Variants in IL9 observed in about 807,000 individuals in gnomAD.
The protein encoded by IL9 is interleukin-9.
A neutral mutation model predicts 12.9 loss-of-function variants in IL9; 16 were observed. The observed-to-expected ratio is 1.24, with a 90% CI of 0.84 to 1.88. The LOEUF (loss-of-function observed/expected upper bound fraction) is 1.88. Among genes scored for constraint, IL9 ranks in the 40% most tolerant of loss-of-function variants. The probability of loss-of-function intolerance (pLI) is 0.00; values close to 1 mark genes in which losing one functional copy is unlikely to be tolerated. For missense variants in IL9, 170 were observed against 173.1 expected (o/e 0.98, Z 0.10); for synonymous variants, 69 against 63.8 (o/e 1.08, Z -0.39).
intron 3 of IL9, 85 bp downstream of exon 3, chr5:135,895,355 A>T: frequency 9.2e-7 from 1 of 1,089,678 alleles, no homozygotes; most frequent in Non-Finnish European, 1.3e-6. Context: ...GTATAACATT[A>T]AATATTAAAT....
At position 135,892,506 on chromosome 5, in the gene IL9, A is replaced by G. The variant is rs1271895407; in HGVS notation, c.320T>C (p.Phe107Ser). The change falls in exon 5 of 5, where the codon TTT becomes TCT. Residue 107 changes from phenylalanine to serine, a missense_variant. Transcript: ENST00000274520. ...EVLKNNKCPY[F>S]SCEQPCNQTT... is the part of the protein sequence containing the mutation. ...TTGGTTGCATGGCTGTTCACAGGAA[A>G]AATACTGTGGGGATGAAAGTTGATA... The G allele has an allele frequency of 6.2e-7, 1 of 1,611,984 alleles. No homozygotes were observed. The highest frequency in any genetic ancestry group is 1.3e-5 in the African/African-American group (1 of 74,718).
At position 135,892,347 on chromosome 5, in the gene IL9, A is replaced by C; in HGVS notation, c.*44T>G. ...TTTTAAATTGTAGCAACTTAAAGAG[A>C]AAGCTTTTTAAATTTAATAAATAGG... is the stretch of plus-strand genomic sequence containing the variant. On this transcript the variant is annotated 3_prime_UTR_variant, in exon 5 of 5. Coordinates refer to ENST00000274520, the MANE Select transcript of IL9 (RefSeq NM_000590.2). 2 of 1,431,306 alleles carry C rather than the reference A, an allele frequency of 1.4e-6. No homozygotes were observed. The highest frequency in any genetic ancestry group is 1.9e-6 in the Non-Finnish European group (2 of 1,051,400). The allele number at this position is 1,431,306 out of a possible 1,614,324, so 88.7% of individuals were successfully genotyped here.
intron 3 of IL9, among the ~76,000 whole-genome samples, chr5:135,894,370 A>G (rs530072425): frequency 1.3e-5 from 2 of 152,288 alleles, no homozygotes; most frequent in Non-Finnish European, 2.9e-5. Context: ...GACTTCCTGT[A>G]TGTTACATCC....
intron 4 of IL9, 143 bp from the exon 5 acceptor site, chr5:135,892,653 T>C (rs1762885893): frequency 2.3e-6 from 2 of 853,194 alleles, no homozygotes; most frequent in Non-Finnish European, 1.8e-6. Flanking sequence ...ACAGAGCAAA[T>C]AGGTGGGCAG....
In IL9 at chr5:135,892,304, T is replaced by C; in HGVS notation, c.*87A>G. 1 of 987,218 alleles carries C rather than the reference T, an allele frequency of 1.0e-6. No individual in the cohort carries two copies. The highest frequency in any genetic ancestry group is 1.5e-6 in the Non-Finnish European group (1 of 676,532). 61.2% of individuals were successfully genotyped at this position (987,218 alleles called of 1,614,324 possible). A position where few individuals can be genotyped will look rare whatever the true frequency, so the allele number is the denominator to read the frequency against. ...CAAATAATCACAACTGATACTGATT[T>C]AGAGTAGCTTACTTGATTTTTAAAT... On this transcript the variant is annotated 3_prime_UTR_variant, in exon 5 of 5. Coordinates refer to ENST00000274520, the MANE Select transcript of IL9 (RefSeq NM_000590.2).
At position 135,892,488 on chromosome 5, in the gene IL9, C is replaced by T. The variant is rs759912180; in HGVS notation, c.338G>A (p.Cys113Tyr). ...KCPYFSCEQP[C>Y]NQTTAGNALT... ...CGCGTTGCCTGCCGTGGTTTGGTTG[C>T]ATGGCTGTTCACAGGAAAAATACTG... Residue 113 changes from cysteine (C) to tyrosine (Y), a missense_variant, in exon 5 of 5, where the codon TGC becomes TAC. Physicochemically the swap from Cys to Tyr is radical, Grantham distance 194. Coordinates refer to ENST00000274520, the MANE Select transcript of IL9 (RefSeq NM_000590.2). 3 of 1,612,784 alleles carry T rather than the reference C, an allele frequency of 1.9e-6. No individual in the cohort carries two copies. The highest frequency in any genetic ancestry group is 1.3e-5 in the African/African-American group (1 of 74,884).
At chr5:135,895,507 G>A (rs1762928353) in intron 2 of IL9, 35 bp from the exon 3 acceptor site, 1 of 1,613,554 alleles carries the variant, frequency 6.2e-7, no homozygotes, top group African/African-American at 1.3e-5. Flanking sequence ...GATTCCAGAT[G>A]TGAAAATTAA....
intron 4 of IL9, among the ~76,000 whole-genome samples, chr5:135,893,617 C>T (rs1762904264): frequency 6.6e-6 from 1 of 151,968 alleles, no homozygotes; most frequent in South Asian, 2.1e-4. Context: ...GTCTCCAAAA[C>T]AAAACAAAAC....
intron 4 of IL9, among the ~76,000 whole-genome samples, chr5:135,893,414 G>T (rs1414102648): frequency 2.6e-5 from 4 of 151,856 alleles, no homozygotes; most frequent in Non-Finnish European, 5.9e-5. Context: ...GAGTTGGAGA[G>T]CAACCTGGCC....
Position 135,895,709 on chromosome 5 carries a change from C to A in IL9, c.108G>T (p.Lys36Asn). ...GILDINFLIN[K>N]MQEDPASKCH... is the part of the protein sequence containing the mutation. ...GGCTCCCCCTGCAGCCTACCTGCATCTTGTTGATGAGGAAGTTGATGTCCA... is the reference window on the plus strand; with the variant it reads ...GGCTCCCCCTGCAGCCTACCTGCATATTGTTGATGAGGAAGTTGATGTCCA... Residue 36 changes from lysine (K) to asparagine (N), a missense_variant, in exon 1 of 5, where the codon AAG (lysine) becomes AAT (asparagine). Lys to Asn is a moderately conservative substitution (Grantham distance 94). Transcript: ENST00000274520. The A allele has an allele frequency of 1.9e-6, 3 of 1,613,254 alleles. No individual in the cohort carries two copies. Among genetic ancestry groups the A allele is most frequent in the East Asian group, 4.5e-5 (2 of 44,876 alleles).
chr5:135,894,246 A>G (rs1348184496), intron 3 of IL9, 95 bp from the exon 4 acceptor site: 1 of 1,189,186 alleles, frequency 8.4e-7, no homozygotes, highest in Non-Finnish European at 1.2e-6. Context: ...ATTTTTATTT[A>G]ATCACCATTA....
chr5:135,895,334 T>A (rs1171922912), intron 3 of IL9, 106 bp downstream of exon 3: 37 of 895,868 alleles, frequency 4.1e-5, no homozygotes, highest in Non-Finnish European at 6.3e-5. Context: ...ACAATTAAAT[T>A]AAGCAACAAT....
chr5:135,895,706 C>T lies in IL9; in HGVS notation c.111G>A (p.Met37Ile). 6.2e-7 allele frequency: 1 copy of T among 1,612,976 alleles called. No individual in the cohort carries two copies. The highest frequency in any genetic ancestry group is 1.7e-5 in the Admixed American group (1 of 60,018). Reference protein sequence around the residue: ...ILDINFLINKMQEDPASKCHC... With the variant: ...ILDINFLINKIQEDPASKCHC... ...ATGGGCTCCCCCTGCAGCCTACCTG[C>T]ATCTTGTTGATGAGGAAGTTGATGT... The change falls in exon 1 of 5, where the codon ATG becomes ATA. Residue 37 changes from methionine to isoleucine, a missense_variant. Transcript: ENST00000274520.
intron 4 of IL9, among the ~76,000 whole-genome samples, chr5:135,893,225 T>C (rs555803821): frequency 2.0e-5 from 3 of 152,166 alleles, no homozygotes; most frequent in African/African-American, 7.2e-5. Context: ...TGTCAGGGAC[T>C]AGGGTATATG....
rs1386806412 is a variant in IL9 at position 135,893,939 on chromosome 5, T to C, written c.315+81A>G. The C allele has an allele frequency of 2.5e-6, 3 of 1,216,664 alleles. No homozygotes were observed. In the African/African-American group the frequency reaches 4.6e-5, roughly 19 times the overall value. 75.4% of individuals were successfully genotyped at this position (1,216,664 alleles called of 1,614,324 possible). A position where few individuals can be genotyped will look rare whatever the true frequency, so the allele number is the denominator to read the frequency against. On this transcript the variant is annotated intron_variant, in intron 4 of 4. Coordinates refer to ENST00000274520, the MANE Select transcript of IL9 (RefSeq NM_000590.2). ...ACTACCAATTCCAACTTTATCATCC[T>C]TTTGTGTTCAAACAGGGTTGGCATC...
chr5:135,892,733 T>TACACAC (rs59978451), intron 4 of IL9, among the ~76,000 whole-genome samples: 1,948 of 137,822 alleles, frequency 0.014, 19 homozygotes, highest in East Asian at 0.023. Context: ...CAGGGGTCTT[T>TACACAC]ACACACACAC....
At chr5:135,894,362 C>T (rs1220372882) in intron 3 of IL9, among the ~76,000 whole-genome samples, 1 of 152,184 alleles carries the variant, frequency 6.6e-6, no homozygotes, top group Non-Finnish European at 1.5e-5. Context: ...CTGGAGGAGA[C>T]TTCCTGTATG....
chr5:135,895,496 A>G (rs1279815002), intron 2 of IL9, 24 bp from the exon 3 acceptor site: 5 of 1,613,970 alleles, frequency 3.1e-6, no homozygotes, highest in African/African-American at 1.3e-5. Flanking sequence ...TTCAGAGTGA[A>G]GATTCCAGAT....
rs774734401 is a variant in IL9, at chr5:135,894,052, A to AT, written c.282dup (p.Ser95IlefsTer3). 9 of 1,613,128 alleles carry AT rather than the reference A, an allele frequency of 5.6e-6. No individual in the cohort carries two copies. Among genetic ancestry groups the AT allele is most frequent in the East Asian group, 2.2e-5 (1 of 44,844 alleles). On this transcript the variant is annotated frameshift_variant, in exon 4 of 5. Coordinates refer to ENST00000274520, the MANE Select transcript of IL9 (RefSeq NM_000590.2). LOFTEE classifies it low-confidence loss of function (END_TRUNC). ...TTGTTGTTCTTTAGTACTTCAACTG[A>AT]TTTTTTCACCCGACTGAAAATCAGT...
Sources: gnomAD v4.1 joint callset for allele counts (sites outside exome capture counted in the v4.1 genomes callset) on GRCh38, gnomAD v4.1.1 for gene constraint, MANE v1.5 for transcripts, NCBI Gene and HGNC (gene_info 2026-07-23, HGNC 2026-07-21) for gene names.